APCDD1L: variants seen among roughly 807,000 people sequenced by gnomAD.
APCDD1L encodes the protein protein APCDD1-like.
Under a neutral mutation model 24.2 loss-of-function variants are expected in APCDD1L, and 21 were observed. That is an observed-to-expected ratio of 0.87 (90% confidence interval 0.61 to 1.25). The LOEUF (loss-of-function observed/expected upper bound fraction) is 1.25. APCDD1L is among the 50% of genes most tolerant of loss of function. The pLI is 0.00. For synonymous variants in APCDD1L, 321 were observed against 323.6 expected (o/e 0.99, Z 0.09); for missense variants, 704 against 711.7 (o/e 0.99, Z 0.12).
chr20:58,470,788 C>T (rs1179644976), intron 1 of APCDD1L, 41 bp from the exon 2 acceptor site: 10 of 1,499,630 alleles, frequency 6.7e-6, no homozygotes, highest in African/African-American at 1.4e-5. Context: ...CAGCATGCCC[C>T]GGGAACACCC....
At position 58,508,745 on chromosome 20, in the gene APCDD1L, A is replaced by C. The variant is rs991038232; in HGVS notation, c.49+5914T>G. Among the ~76,000 whole-genome samples, 1 of 152,210 alleles carries C rather than the reference A, an allele frequency of 6.6e-6. No individual in the cohort carries two copies. Among genetic ancestry groups the C allele is most frequent in the African/African-American group, 2.4e-5 (1 of 41,458 alleles). ...CAGGCACTGTTCTAGGGACCCGGGA[A>C]AGAACTGTCGATAAAACAGGCCAGG... is the stretch of plus-strand genomic sequence containing the variant. On this transcript the variant is annotated intron_variant, in intron 1 of 3. Transcript: ENST00000371149. The surrounding 1 kb of genome is among the most constrained non-coding windows in gnomAD (Gnocchi z 4.0).
At chr20:58,510,426 G>C (rs147262727) in intron 1 of APCDD1L, among the ~76,000 whole-genome samples, 1 of 152,100 alleles carries the variant, frequency 6.6e-6, no homozygotes, top group Non-Finnish European at 1.5e-5. Context: ...TCCGCCTCCC[G>C]GGTTCAAGCA....
At chr20:58,483,116 G>C (rs545839914) in intron 1 of APCDD1L, among the ~76,000 whole-genome samples, 2 of 152,196 alleles carry the variant, frequency 1.3e-5, no homozygotes, top group Non-Finnish European at 2.9e-5. Flanking sequence ...TTGACAGATG[G>C]AGAGAGCTGT....
rs78776828 is a variant in APCDD1L at position 58,491,790 on chromosome 20, A to C, written c.50-21043T>G. 2.7e-4 allele frequency among the ~76,000 whole-genome samples: 41 copies of C among 152,354 alleles called. No homozygotes were observed. In the East Asian group the frequency reaches 6.7e-3, roughly 25 times the overall value. The stretch of plus-strand genomic sequence containing the variant: ...CAGGAATTGAAAAATAGTAAGATAT[A>C]GGGACGTGTTGTATCAGAGCTCTTA... On this transcript the variant is annotated intron_variant, in intron 1 of 3. Coordinates refer to ENST00000371149, the MANE Select transcript of APCDD1L (RefSeq NM_153360.3).
intron 3 of APCDD1L, among the ~76,000 whole-genome samples, chr20:58,466,186 A>T (rs4811998): frequency 0.038 from 5,816 of 151,222 alleles, 380 homozygotes; most frequent in East Asian, 0.26. Context: ...TTAGGACGGT[A>T]TGCGTGCAAT....
In APCDD1L at chr20:58,461,943, C is replaced by G. The variant is rs866213253; in HGVS notation, c.742-389G>C. On this transcript the variant is annotated intron_variant, in intron 3 of 3. Transcript: ENST00000371149. This position sits in a 1 kb window ranked among gnomAD's most constrained non-coding sequence, Gnocchi z 6.0. Reference sequence around the variant, plus strand: ...CTTCCTCATTCCACCCCCTGAGACTCTCCTCTCTCTACCCCTCACCCCTCA... The same window carrying G: ...CTTCCTCATTCCACCCCCTGAGACTGTCCTCTCTCTACCCCTCACCCCTCA... 2 of 197,364 alleles carry G rather than the reference C, an allele frequency of 1.0e-5. No individual in the cohort carries two copies. The highest frequency in any genetic ancestry group is 4.6e-5 in the African/African-American group (2 of 43,186). 12.2% of individuals were successfully genotyped at this position (197,364 alleles called of 1,614,324 possible).
At chr20:58,465,333 A>G (rs1989686881) in intron 3 of APCDD1L, among the ~76,000 whole-genome samples, 1 of 150,538 alleles carries the variant, frequency 6.6e-6, no homozygotes. Flanking sequence ...AGTTTGGAGG[A>G]GGGGGTGGGG....
chr20:58,481,444 C>T (rs1008689888), intron 1 of APCDD1L, among the ~76,000 whole-genome samples: 1 of 152,228 alleles, frequency 6.6e-6, no homozygotes, highest in Non-Finnish European at 1.5e-5. Context: ...CTGAACTCTT[C>T]ATGGCCTTGG....
At position 58,497,380 on chromosome 20, in the gene APCDD1L, T is replaced by C. The variant is rs1990346381; in HGVS notation, c.49+17279A>G. On this transcript the variant is annotated intron_variant, in intron 1 of 3. Transcript: ENST00000371149. The surrounding 1 kb of genome is among the most constrained non-coding windows in gnomAD (Gnocchi z 4.3). ...TAGGAGGCCCAGGGAACAGACGCCT[T>C]GCATCGTGTCCACAGATGGGGTGCT... Among the ~76,000 whole-genome samples, 1 of 152,072 alleles carries C rather than the reference T, an allele frequency of 6.6e-6. No homozygotes were observed. The highest frequency in any genetic ancestry group is 2.4e-5 in the African/African-American group (1 of 41,392).
chr20:58,494,050 A>T lies in APCDD1L; in HGVS notation c.49+20609T>A, dbSNP rs1162022166. Among the ~76,000 whole-genome samples, 6 of 152,344 alleles carry T rather than the reference A, an allele frequency of 3.9e-5. No homozygotes were observed. The East Asian group carries it at 1.2e-3, about 29-fold the overall frequency. ...GAGAAAAGGTTATTGACAAAATCAT[A>T]AGGAAGAGAAAACATATTTAGGATT... is the stretch of plus-strand genomic sequence containing the variant. On this transcript the variant is annotated intron_variant, in intron 1 of 3. Coordinates refer to ENST00000371149, the MANE Select transcript of APCDD1L (RefSeq NM_153360.3). The surrounding 1 kb of genome is among the most constrained non-coding windows in gnomAD (Gnocchi z 4.8).
intron 1 of APCDD1L, chr20:58,514,022 A>G (rs1990684526): frequency 8.2e-7 from 1 of 1,223,974 alleles, no homozygotes; most frequent in Non-Finnish European, 1.1e-6. Flanking sequence ...TGGCCTTTGT[A>G]CAGTTTTGTC....
intron 1 of APCDD1L, among the ~76,000 whole-genome samples, chr20:58,479,634 T>G (rs1750032542): frequency 6.7e-6 from 1 of 149,082 alleles, no homozygotes; most frequent in Admixed American, 6.7e-5. Flanking sequence ...TGAAACCCTC[T>G]AGTTTATTTC....
chr20:58,472,743 G>C (rs947498833), intron 1 of APCDD1L, among the ~76,000 whole-genome samples: 1 of 152,254 alleles, frequency 6.6e-6, no homozygotes, highest in Non-Finnish European at 1.5e-5. Context: ...ACTCTGCCAA[G>C]TGAAAGAAAT....
chr20:58,463,274 G>A (rs934701955), intron 3 of APCDD1L, among the ~76,000 whole-genome samples: 3 of 152,054 alleles, frequency 2.0e-5, no homozygotes, highest in East Asian at 3.9e-4. Flanking sequence ...TTGTTATAGG[G>A]AAAACCGGCC....
chr20:58,491,499 T>TA, intron 1 of APCDD1L, among the ~76,000 whole-genome samples: 1 of 152,230 alleles, frequency 6.6e-6, no homozygotes, highest in African/African-American at 2.4e-5. Context: ...ACAACAGTAG[T>TA]AAAAAATATA....
In APCDD1L at chr20:58,460,222, G is replaced by T. The variant is rs772670759; in HGVS notation, c.*568C>A. On this transcript the variant is annotated 3_prime_UTR_variant, in exon 4 of 4. Coordinates refer to ENST00000371149, the MANE Select transcript of APCDD1L (RefSeq NM_153360.3). This position sits in a 1 kb window ranked among gnomAD's most constrained non-coding sequence, Gnocchi z 4.2. Reference sequence around the variant, plus strand: ...CTGCCCCTGAAGACACAAGCCCTTTGCCCAAAAGCTGAGAAGCACTGAAAG... The same window carrying T: ...CTGCCCCTGAAGACACAAGCCCTTTTCCCAAAAGCTGAGAAGCACTGAAAG... 1 of 152,322 alleles carries T rather than the reference G, an allele frequency of 6.6e-6. No individual in the cohort carries two copies. The highest frequency in any genetic ancestry group is 1.5e-5 in the Non-Finnish European group (1 of 68,098). 9.4% of individuals were successfully genotyped at this position (152,322 alleles called of 1,614,324 possible). A position where few individuals can be genotyped will look rare whatever the true frequency, so the allele number is the denominator to read the frequency against.
At chr20:58,476,348 G>A (rs1160346995) in intron 1 of APCDD1L, among the ~76,000 whole-genome samples, 1 of 152,122 alleles carries the variant, frequency 6.6e-6, no homozygotes, top group East Asian at 1.9e-4. Flanking sequence ...ATGCCACCAT[G>A]CCCTGCTAAT....
intron 1 of APCDD1L, among the ~76,000 whole-genome samples, chr20:58,496,039 G>T (rs1990315394): frequency 1.3e-5 from 2 of 152,224 alleles, no homozygotes; most frequent in African/African-American, 4.8e-5. Context: ...CCGTCTTTAG[G>T]ATAATTTTTA....
rs544584156 is a variant in APCDD1L at position 58,461,859 on chromosome 20, GC to G, written c.742-306del. 314 of 330,590 alleles carry G rather than the reference GC, an allele frequency of 9.5e-4. 2 individuals are homozygous for G. In the South Asian group the frequency reaches 0.012, roughly 12 times the overall value. 20.5% of individuals were successfully genotyped at this position (330,590 alleles called of 1,614,324 possible). On this transcript the variant is annotated intron_variant, in intron 3 of 3. Coordinates refer to ENST00000371149, the MANE Select transcript of APCDD1L (RefSeq NM_153360.3). This position sits in a 1 kb window ranked among gnomAD's most constrained non-coding sequence, Gnocchi z 6.0. ...AGGTCTCAGCTGGGCACCAGAGAGA[GC>G]TTTCCCGAATGCCCCATGTAAGGTG...
Sources: allele counts gnomAD v4.1 joint callset (sites outside exome capture counted in the v4.1 genomes callset), GRCh38; gene constraint gnomAD v4.1.1; non-coding constraint Gnocchi (gnomAD v3.1); transcripts MANE v1.5; gene names NCBI Gene and HGNC (gene_info 2026-07-23, HGNC 2026-07-21).